MTCL1: variants seen among roughly 807,000 people sequenced by gnomAD.
The protein encoded by MTCL1 is microtubule crosslinking factor 1, also known as microtubule cross-linking factor 1.
A neutral mutation model predicts 141.4 loss-of-function variants in MTCL1; 79 were observed. The observed-to-expected ratio is 0.56, with a 90% CI of 0.47 to 0.67. The LOEUF (loss-of-function observed/expected upper bound fraction) is 0.67. Among genes scored for constraint, MTCL1 ranks in the 30% least tolerant of loss-of-function variants. The probability of loss-of-function intolerance (pLI) is 0.00; values close to 1 mark genes in which losing one functional copy is unlikely to be tolerated. For missense variants in MTCL1, 2,177 were observed against 2,113.9 expected (o/e 1.03, Z -0.59); for synonymous variants, 914 against 875.8 (o/e 1.04, Z -0.77).
chr18:8,828,364 G>A lies in MTCL1; in HGVS notation c.4723-544G>A, dbSNP rs2077090776. Among the ~76,000 whole-genome samples, 1 of 152,188 alleles carries A rather than the reference G, an allele frequency of 6.6e-6. No homozygotes were observed. Among genetic ancestry groups the A allele is most frequent in the African/African-American group, 2.4e-5 (1 of 41,448 alleles). Reference sequence around the variant, plus strand: ...TTGACACCATGGCACTAGTTCAGCAGTGCAGAGAGAAGCCGTGAGGAGTTC... The same window carrying A: ...TTGACACCATGGCACTAGTTCAGCAATGCAGAGAGAAGCCGTGAGGAGTTC... On this transcript the variant is annotated intron_variant, in intron 15 of 16. Transcript: ENST00000359865. This position sits in a 1 kb window ranked among gnomAD's most constrained non-coding sequence, Gnocchi z 5.2.
At chr18:8,724,979 T>G (rs2096198686) in intron 4 of MTCL1, among the ~76,000 whole-genome samples, 1 of 143,492 alleles carries the variant, frequency 7.0e-6, no homozygotes, top group African/African-American at 2.5e-5. Context: ...TTTTTTTTTT[T>G]TCTGATATAT....
rs961746554 is a variant in MTCL1, at chr18:8,726,442, A to G, written c.357+5946A>G. Among the ~76,000 whole-genome samples, 4 of 150,208 alleles carry G rather than the reference A, an allele frequency of 2.7e-5. 1 individual carries two copies. Among genetic ancestry groups the G allele is most frequent in the East Asian group, 2.0e-4 (1 of 4,992 alleles). ...AGCTGCCTTCTTGCTGTGTTTTCAC[A>G]TGGCAGAGAGCATGAGGGTGAGAAT... On this transcript the variant is annotated intron_variant, in intron 4 of 16. Coordinates refer to ENST00000359865, the Ensembl canonical transcript of MTCL1.
At chr18:8,722,906 T>A (rs929417315) in intron 4 of MTCL1, among the ~76,000 whole-genome samples, 1 of 152,226 alleles carries the variant, frequency 6.6e-6, no homozygotes, top group Non-Finnish European at 1.5e-5. Context: ...TGTGTAGGAT[T>A]TGGCATCTCT....
exon 15 of MTCL1, chr18:8,824,789 C>G (rs2076960884): frequency 6.2e-7 from 1 of 1,614,158 alleles, no homozygotes; most frequent in Non-Finnish European, 8.5e-7. Context: ...CCACCAGCAG[C>G]AAGGAGGATG....
intron 4 of MTCL1, among the ~76,000 whole-genome samples, chr18:8,721,312 A>C (rs1206851187): frequency 6.6e-6 from 1 of 152,160 alleles, no homozygotes; most frequent in Non-Finnish European, 1.5e-5. Context: ...TGATTCACAC[A>C]GTTCTTCCCT....
At chr18:8,734,194 G>C (rs2096264915) in intron 4 of MTCL1, among the ~76,000 whole-genome samples, 1 of 151,932 alleles carries the variant, frequency 6.6e-6, no homozygotes, top group Non-Finnish European at 1.5e-5. Context: ...CTGCCCACTA[G>C]ATGCTGGTAG....
At chr18:8,724,702 C>G (rs2096196503) in intron 4 of MTCL1, among the ~76,000 whole-genome samples, 1 of 152,306 alleles carries the variant, frequency 6.6e-6, no homozygotes, top group East Asian at 1.9e-4. Context: ...GTTTCCCACT[C>G]CAGGGCTGTA....
At chr18:8,763,782 A>G (rs2096445247) in intron 4 of MTCL1, among the ~76,000 whole-genome samples, 1 of 152,198 alleles carries the variant, frequency 6.6e-6, no homozygotes, top group Admixed American at 6.5e-5. Flanking sequence ...GGTTTGACTC[A>G]TCCTATAAAT....
At position 8,769,951 on chromosome 18, in the gene MTCL1, C is replaced by T. The variant is rs147681059; in HGVS notation, c.358-7882C>T. Among the ~76,000 whole-genome samples, 54 of 152,364 alleles carry T rather than the reference C, an allele frequency of 3.5e-4. 1 individual carries two copies. The East Asian group carries it at 3.9e-3, about 11-fold the overall frequency. ...CAAATATTATTTCATAGCCATGCAG[C>T]ACCTGCGAATGTAGCAACTTGTAAC... On this transcript the variant is annotated intron_variant, in intron 4 of 16. Coordinates refer to ENST00000359865, the Ensembl canonical transcript of MTCL1.
chr18:8,784,981 G>A (rs2096546412), intron 6 of MTCL1, 138 bp downstream of exon 5: 4 of 621,552 alleles, frequency 6.4e-6, no homozygotes, highest in South Asian at 9.5e-5. Context: ...AGCCTCCGGG[G>A]CAACCGGATC....
At chr18:8,706,215 C>A in exon 1 of MTCL1, 1 of 1,227,516 alleles carries the variant, frequency 8.1e-7, no homozygotes. Flanking sequence ...GGATCCCTGC[C>A]GTGACCCTCG....
At chr18:8,739,457 T>C (rs1466041105) in intron 4 of MTCL1, among the ~76,000 whole-genome samples, 1 of 152,170 alleles carries the variant, frequency 6.6e-6, no homozygotes, top group African/African-American at 2.4e-5. Flanking sequence ...TGTGCATATC[T>C]GCAGTGTTTA....
chr18:8,829,680 G>C, intron 16 of MTCL1: 1 of 985,286 alleles, frequency 1.0e-6, no homozygotes, highest in Non-Finnish European at 1.2e-6. Context: ...GAAGCCAGTA[G>C]TATCTGTTGT....
At chr18:8,817,168 C>A (rs1230497328) in intron 12 of MTCL1, among the ~76,000 whole-genome samples, 1 of 151,574 alleles carries the variant, frequency 6.6e-6, no homozygotes, top group Non-Finnish European at 1.5e-5. Context: ...ATTTTAATTT[C>A]TTGCCCAAAA....
rs559979795 is a variant in MTCL1 at position 8,808,189 on chromosome 18, G to A, written c.2604+1129G>A. ...ATTGTGGCTCCTGCCTGCTGCCCGCGGGGGATTTGACCTAGATGCTCTGTT... is the reference window on the plus strand; with the variant it reads ...ATTGTGGCTCCTGCCTGCTGCCCGCAGGGGATTTGACCTAGATGCTCTGTT... On this transcript the variant is annotated intron_variant, in intron 11 of 16. Transcript: ENST00000359865. 4.1e-4 allele frequency among the ~76,000 whole-genome samples: 63 copies of A among 152,244 alleles called. 1 individual carries two copies. The highest frequency in any genetic ancestry group is 6.5e-4 in the Non-Finnish European group (44 of 68,014).
intron 5 of MTCL1, among the ~76,000 whole-genome samples, chr18:8,781,454 A>G (rs2096532432): frequency 6.6e-6 from 1 of 152,158 alleles, no homozygotes; most frequent in Non-Finnish European, 1.5e-5. Flanking sequence ...TTCATGTGAT[A>G]AGTTCTCAGA....
upstream of MTCL1, among the ~76,000 whole-genome samples, chr18:8,716,955 A>G (rs2096132348): frequency 1.3e-5 from 2 of 152,118 alleles, no homozygotes; most frequent in African/African-American, 4.8e-5. Context: ...CTGCAGCTAC[A>G]TCTGTGGGTT....
At chr18:8,799,649 G>C (rs1306976841) in intron 10 of MTCL1, among the ~76,000 whole-genome samples, 2 of 152,194 alleles carry the variant, frequency 1.3e-5, no homozygotes, top group Non-Finnish European at 2.9e-5. Flanking sequence ...AAGCATCTGT[G>C]CTTACCTCCC....
intron 1 of MTCL1, among the ~76,000 whole-genome samples, chr18:8,710,899 T>A (rs2096086671): frequency 6.7e-6 from 1 of 148,602 alleles, no homozygotes; most frequent in Non-Finnish European, 1.5e-5. Flanking sequence ...TTTTTTTTTT[T>A]TTATTATACT....
Sources: gnomAD v4.1 joint callset for allele counts (sites outside exome capture counted in the v4.1 genomes callset) on GRCh38, gnomAD v4.1.1 for gene constraint, Gnocchi (gnomAD v3.1) non-coding constraint, MANE v1.5 for transcripts, NCBI Gene and HGNC (gene_info 2026-07-23, HGNC 2026-07-21) for gene names.